TNS1: variants seen among roughly 807,000 people sequenced by gnomAD.
TNS1 encodes tensin 1.
TNS1 carries 62 observed loss-of-function variants against 168.6 expected under a neutral mutation model. The ratio of observed to expected loss-of-function variants is 0.37; its 90% CI spans 0.30 to 0.45. The LOEUF is 0.45. Among genes scored for constraint, TNS1 ranks in the 20% least tolerant of loss-of-function variants. TNS1 has a pLI of 1.00. For synonymous variants in TNS1, 934 were observed against 933.2 expected, an observed-to-expected ratio of 1.00 and a Z score of -0.02; for missense variants, 2,240 against 2,339.4, an observed-to-expected ratio of 0.96 and a Z score of 0.88.
intron 6 of TNS1, among the ~76,000 whole-genome samples, chr2:217,906,071 A>G (rs1575031445): frequency 6.6e-6 from 1 of 151,598 alleles, no homozygotes; most frequent in East Asian, 1.9e-4. Flanking sequence ...CTCATCACAC[A>G]CCCTCTCTCC....
At chr2:218,007,807 C>T (rs1958673561), upstream of TNS1, among the ~76,000 whole-genome samples, 1 of 152,106 alleles carries the variant, frequency 6.6e-6, no homozygotes, top group Non-Finnish European at 1.5e-5. Context: ...GTCCCGGGTG[C>T]CCAGACCTCT....
chr2:217,900,436 C>A, intron 7 of TNS1, 27 bp downstream of exon 7: 1 of 1,533,942 alleles, frequency 6.5e-7, no homozygotes, highest in Non-Finnish European at 8.7e-7. Flanking sequence ...TGCACTCCCG[C>A]CCCCTGCCCC....
At chr2:217,905,152 G>A (rs903268875) in intron 6 of TNS1, 10 of 219,508 alleles carry the variant, frequency 4.6e-5, no homozygotes, top group Non-Finnish European at 9.5e-5. Flanking sequence ...TATATTTTGA[G>A]TACATTAAAC....
Position 218,021,616 on chromosome 2 carries a change from C to T in TNS1, c.156+12204G>A, listed in dbSNP as rs932247021. On this transcript the variant is annotated intron_variant, in intron 1 of 1. Transcript: ENST00000649572. ...CTCCAGGGTGGATCCCGGCACCCCA[C>T]GTTCCTCTCTCTGCCCACGTGTTGC... Among the ~76,000 whole-genome samples the T allele has an allele frequency of 2.6e-5, 4 of 152,228 alleles. No individual in the cohort carries two copies. In the South Asian group the frequency reaches 6.2e-4, roughly 24 times the overall value.
intron 6 of TNS1, among the ~76,000 whole-genome samples, chr2:217,905,144 T>C (rs1390378384): frequency 1.3e-5 from 2 of 152,152 alleles, no homozygotes; most frequent in Non-Finnish European, 2.9e-5. Flanking sequence ...ACGTATGATA[T>C]ATTTTGAGTA....
intron 3 of TNS1, among the ~76,000 whole-genome samples, chr2:217,936,594 C>T (rs930593279): frequency 1.3e-5 from 2 of 152,120 alleles, no homozygotes; most frequent in South Asian, 4.2e-4. Context: ...CTAGGACTCC[C>T]CTGCCCAGTA....
chr2:217,852,726 A>G (rs900907092), intron 18 of TNS1, among the ~76,000 whole-genome samples: 17 of 152,220 alleles, frequency 1.1e-4, no homozygotes, highest in African/African-American at 3.6e-4. Flanking sequence ...CATGTAATCT[A>G]TCCCCAAGTG....
rs1937655676 is a variant in TNS1, at chr2:217,802,781, C to CT, written c.*1677dup. 1 of 152,626 alleles carries CT rather than the reference C, an allele frequency of 6.6e-6. No individual in the cohort carries two copies. Among genetic ancestry groups the CT allele is most frequent in the African/African-American group, 2.4e-5 (1 of 41,454 alleles). The allele number at this position is 152,626 out of a possible 1,614,324, so 9.5% of individuals were successfully genotyped here. On this transcript the variant is annotated 3_prime_UTR_variant, in exon 33 of 33. Transcript: ENST00000682258. ...AATACTTCTTGTCAATTTACCTATTCTTTTTTTAACCTTTTCTTACATTTT... is the reference window on the plus strand; with the variant it reads ...AATACTTCTTGTCAATTTACCTATTCTTTTTTTTAACCTTTTCTTACATTTT...
At chr2:217,805,800 CCATGCAT>C (rs1938893293) in intron 32 of TNS1, among the ~76,000 whole-genome samples, 2 of 132,584 alleles carry the variant, frequency 1.5e-5, no homozygotes, top group South Asian at 2.5e-4. Flanking sequence ...CACACACAAA[CCATGCAT>C]ACATACATAT....
chr2:217,997,422 C>G (rs565116830), intron 1 of TNS1, among the ~76,000 whole-genome samples: 1 of 152,178 alleles, frequency 6.6e-6, no homozygotes. Flanking sequence ...AAACTAGACA[C>G]GTTATCCACC....
chr2:218,016,908 TG>T (rs1353174059), intron 1 of TNS1, among the ~76,000 whole-genome samples: 1 of 151,764 alleles, frequency 6.6e-6, no homozygotes, highest in Non-Finnish European at 1.5e-5. Flanking sequence ...GAGCAGCGAG[TG>T]GCAGTGAAGG....
intron 2 of TNS1, among the ~76,000 whole-genome samples, chr2:217,980,498 C>T (rs747356750): frequency 1.3e-3 from 160 of 123,826 alleles, no homozygotes; most frequent in Non-Finnish European, 2.1e-3. Context: ...CTCTCTCCTA[C>T]ACACACACAG....
intron 4 of TNS1, among the ~76,000 whole-genome samples, chr2:217,915,590 C>A (rs577345318): frequency 8.5e-5 from 13 of 152,250 alleles, no homozygotes; most frequent in African/African-American, 2.9e-4. Flanking sequence ...ATGGACAGAC[C>A]CTCCCTCAAA....
At chr2:218,014,139 G>A (rs1170191734), upstream of TNS1, among the ~76,000 whole-genome samples, 1 of 152,178 alleles carries the variant, frequency 6.6e-6, no homozygotes, top group Non-Finnish European at 1.5e-5. Flanking sequence ...TTGTCTGCAG[G>A]GGCACAAAGG....
chr2:217,876,799 G>C (rs191928980), intron 18 of TNS1, among the ~76,000 whole-genome samples: 83 of 152,276 alleles, frequency 5.5e-4, no homozygotes, highest in African/African-American at 2.0e-3. Context: ...GATACAGGGA[G>C]AAAACAGCAT....
intron 8 of TNS1, 54 bp from the exon 9 acceptor site, chr2:217,895,110 G>T: frequency 6.5e-7 from 1 of 1,528,880 alleles, no homozygotes; most frequent in Non-Finnish European, 8.9e-7. Flanking sequence ...GGAGGGCGGC[G>T]AGGAGAGAGA....
rs886700074 is a variant in TNS1, at chr2:217,920,370, T to C, written c.187-134A>G. On this transcript the variant is annotated intron_variant, in intron 3 of 32. Coordinates refer to ENST00000682258, the MANE Select transcript of TNS1 (RefSeq NM_001387777.1). ...CTGACACCTTCTGGGTTGAGAGTTC[T>C]TCAGCAGACTATGGAGCAACACAGA... 3 of 654,594 alleles carry C rather than the reference T, an allele frequency of 4.6e-6. No individual in the cohort carries two copies. The African/African-American group carries it at 5.3e-5, about 12-fold the overall frequency. The allele number at this position is 654,594 out of a possible 1,614,324, so 40.5% of individuals were successfully genotyped here.
At chr2:217,874,633 C>T (rs537097950) in intron 18 of TNS1, among the ~76,000 whole-genome samples, 26 of 152,296 alleles carry the variant, frequency 1.7e-4, no homozygotes, top group Non-Finnish European at 2.2e-4. Context: ...GCAAGGGGAA[C>T]GCGGCTTTTT....
At chr2:217,858,547 A>C in intron 18 of TNS1, 1 of 986,230 alleles carries the variant, frequency 1.0e-6, no homozygotes, top group Non-Finnish European at 1.2e-6. Context: ...CTCTGATTTG[A>C]TCCTGGTGCC....
Sources: allele counts gnomAD v4.1 joint callset (sites outside exome capture counted in the v4.1 genomes callset), GRCh38; gene constraint gnomAD v4.1.1; transcripts MANE v1.5; gene names NCBI Gene and HGNC (gene_info 2026-07-23, HGNC 2026-07-21).